Variants in CCT8 observed in about 807,000 individuals in gnomAD.
The protein encoded by CCT8 is chaperonin containing TCP1 subunit 8, also known as T-complex protein 1 subunit theta.
A neutral mutation model predicts 65.7 loss-of-function variants in CCT8; 10 were observed. The observed-to-expected ratio is 0.15, with a 90% CI of 0.09 to 0.26. The LOEUF (loss-of-function observed/expected upper bound fraction) is 0.26, where lower values mean the gene tolerates loss of function less well. CCT8 is among the 10% of genes least tolerant of loss of function. CCT8 has a pLI of 1.00. For missense variants in CCT8, 568 were observed against 669.1 expected (o/e 0.85, Z 1.67); for synonymous variants, 199 against 221.8 (o/e 0.90, Z 0.92).
In CCT8 at chr21:29,072,104, G is replaced by GA. The variant is rs1243290387; in HGVS notation, c.60+1426dup. ...TTTCCCCCTAAGTAAGAGGTCGGGG[G>GA]AAACAGCCCAGGCTCAGGGGCTTCT... On this transcript the variant is annotated intron_variant, in intron 1 of 14. Coordinates refer to ENST00000286788, the MANE Select transcript of CCT8 (RefSeq NM_006585.4). 3 of 619,538 alleles carry GA rather than the reference G, an allele frequency of 4.8e-6. No homozygotes were observed. The African/African-American group carries it at 5.6e-5, about 11-fold the overall frequency. 38.4% of individuals were successfully genotyped at this position (619,538 alleles called of 1,614,324 possible). A position where few individuals can be genotyped will look rare whatever the true frequency, so the allele number is the denominator to read the frequency against.
chr21:29,061,455 A>C (rs932801778), intron 12 of CCT8, 38 bp from the exon 13 acceptor site: 2 of 1,613,578 alleles, frequency 1.2e-6, no homozygotes, highest in Non-Finnish European at 1.7e-6. Context: ...CTTTTATTCA[A>C]GCAATGGAAA....
At position 29,056,548 on chromosome 21, in the gene CCT8, A is replaced by C. The variant is rs2085500960; in HGVS notation, c.1574T>G (p.Ile525Ser). The C allele has an allele frequency of 1.3e-6, 2 of 1,556,422 alleles. No homozygotes were observed. Among genetic ancestry groups the C allele is most frequent in the Non-Finnish European group, 1.7e-6 (2 of 1,151,496 alleles). The change falls in exon 15 of 15, where the codon ATC (isoleucine) becomes AGC (serine). Residue 525 changes from isoleucine to serine, a missense_variant. Physicochemically the swap from Ile to Ser is moderately radical, Grantham distance 142. Transcript: ENST00000286788. ...AVTVLRVDQI[I>S]MAKPAGGPKP... ...GGGCCCACCAGCTGGTTTTGCCATG[A>C]TGATCTGCATAAAAAAGAATCACAC...
chr21:29,073,245 G>A (rs1243120473), intron 1 of CCT8: 97 of 1,303,648 alleles, frequency 7.4e-5, no homozygotes, highest in Non-Finnish European at 1.7e-5. Flanking sequence ...ATTTACGGAT[G>A]GAGGCAAAAC....
chr21:29,059,613 T>C (rs1309299205), intron 14 of CCT8: 1 of 152,236 alleles, frequency 6.6e-6, no homozygotes, highest in African/African-American at 2.4e-5. Flanking sequence ...AGGTTTCTAT[T>C]TAAGAACTCA....
chr21:29,070,689 G>A (rs1477804467), intron 1 of CCT8, among the ~76,000 whole-genome samples: 2 of 152,018 alleles, frequency 1.3e-5, no homozygotes, highest in East Asian at 1.9e-4. Context: ...ACATTTTGGG[G>A]GACCGCAGGT....
At chr21:29,070,192 C>A (rs747282818) in intron 2 of CCT8, 55 bp downstream of exon 2, 4 of 1,053,508 alleles carry the variant, frequency 3.8e-6, no homozygotes, top group Non-Finnish European at 5.7e-6. Flanking sequence ...TGAAAGAAGA[C>A]GTAGTACACA....
intron 3 of CCT8, among the ~76,000 whole-genome samples, chr21:29,068,515 A>G (rs1443466907): frequency 6.6e-6 from 1 of 151,932 alleles, no homozygotes; most frequent in East Asian, 1.9e-4. Flanking sequence ...GCTGGAGTGC[A>G]GTGGCGCGAT....
chr21:29,063,370 T>C lies in CCT8; in HGVS notation c.923A>G (p.Tyr308Cys). The C allele has an allele frequency of 1.9e-6, 3 of 1,613,210 alleles. No individual in the cohort carries two copies. The highest frequency in any genetic ancestry group is 2.2e-5 in the South Asian group (2 of 91,042). The change falls in exon 8 of 15, where the codon TAT (tyrosine) becomes TGT (cysteine). Residue 308 changes from tyrosine to cysteine, a missense_variant. By Grantham distance (194) the Tyr-to-Cys change is radical. Coordinates refer to ENST00000286788, the MANE Select transcript of CCT8 (RefSeq NM_006585.4). ...TTCTTACCTCACTAACATGATATTA[T>C]ATTTATTTGCATAATGAAGAGCCAT... ...ADMALHYANK[Y>C]NIMLVRLNSK...
chr21:29,069,350 T>C (rs1286880932), intron 3 of CCT8, 73 bp downstream of exon 3: 1 of 790,578 alleles, frequency 1.3e-6, no homozygotes, highest in Non-Finnish European at 2.1e-6. Flanking sequence ...AAATAAGAGA[T>C]TTCTTCTAGT....
chr21:29,061,709 T>C (rs2085566535), intron 11 of CCT8, 142 bp from the exon 12 acceptor site: 1 of 864,268 alleles, frequency 1.2e-6, no homozygotes, highest in Non-Finnish European at 1.8e-6. Context: ...AAATACATAT[T>C]ACAAATTTGG....
chr21:29,064,293 T>C (rs564677292), intron 7 of CCT8, among the ~76,000 whole-genome samples: 24 of 151,048 alleles, frequency 1.6e-4, no homozygotes, highest in Non-Finnish European at 2.8e-4. Context: ...TGGTGAAACT[T>C]TGTCTCTATT....
In CCT8 at chr21:29,063,464, C is replaced by T; in HGVS notation, c.829G>A (p.Asp277Asn). 2.5e-6 allele frequency: 4 copies of T among 1,614,082 alleles called. No individual in the cohort carries two copies. Among genetic ancestry groups the T allele is most frequent in the Non-Finnish European group, 3.4e-6 (4 of 1,179,974 alleles). The change falls in exon 8 of 15, where the codon GAT becomes AAT. Residue 277 changes from aspartate to asparagine, a missense_variant. Asp to Asn is a conservative substitution (Grantham distance 23). Coordinates refer to ENST00000286788, the MANE Select transcript of CCT8 (RefSeq NM_006585.4). ...NFSKGEENLM[D>N]AQVKAIADTG... Reference sequence around the variant, plus strand: ...TCAGCAATAGCTTTGACTTGTGCATCCATGAGGTTTTCTTCTCCCTTACTA... The same window carrying T: ...TCAGCAATAGCTTTGACTTGTGCATTCATGAGGTTTTCTTCTCCCTTACTA...
At chr21:29,065,839 T>G (rs992080546) in intron 6 of CCT8, among the ~76,000 whole-genome samples, 2 of 152,156 alleles carry the variant, frequency 1.3e-5, no homozygotes, top group Non-Finnish European at 2.9e-5. Context: ...TCTCAGCACT[T>G]TGGGAGGCCA....
chr21:29,056,578 G>T (rs1374272044), intron 14 of CCT8, 26 bp from the exon 15 acceptor site: 2 of 1,434,480 alleles, frequency 1.4e-6, no homozygotes, highest in East Asian at 4.9e-5. Flanking sequence ...TCACACAAGA[G>T]TATGCTTATC....
chr21:29,071,941 T>C lies in CCT8; in HGVS notation c.60+1590A>G, dbSNP rs559385863. The C allele has an allele frequency of 4.3e-6, 3 of 702,428 alleles. No individual in the cohort carries two copies. In the African/African-American group the frequency reaches 5.2e-5, roughly 12 times the overall value. 43.5% of individuals were successfully genotyped at this position (702,428 alleles called of 1,614,324 possible). On this transcript the variant is annotated intron_variant, in intron 1 of 14. Coordinates refer to ENST00000286788, the MANE Select transcript of CCT8 (RefSeq NM_006585.4). ...ATCCCGGCCCTTGTATGGCTCCTCC[T>C]CTGAACTTACCATTCTTCCTTTCTT...
At chr21:29,058,002 G>A (rs1430558715) in intron 14 of CCT8, 2 of 151,808 alleles carry the variant, frequency 1.3e-5, no homozygotes, top group Non-Finnish European at 2.9e-5. Context: ...CTGGGTGATA[G>A]AGTAAGACCT....
intron 14 of CCT8, among the ~76,000 whole-genome samples, chr21:29,057,793 GAT>G (rs971883364): frequency 6.3e-5 from 9 of 142,226 alleles, no homozygotes; most frequent in Admixed American, 6.3e-4. Context: ...AGATATGTAT[GAT>G]ATATACATAT....
intron 14 of CCT8, among the ~76,000 whole-genome samples, chr21:29,058,717 G>A (rs1300946214): frequency 2.0e-5 from 3 of 150,398 alleles, no homozygotes; most frequent in Non-Finnish European, 4.4e-5. Flanking sequence ...TCAGCCTCCC[G>A]AGTAGCTGGG....
chr21:29,064,092 G>A (rs1220039867), intron 7 of CCT8, among the ~76,000 whole-genome samples: 1 of 152,094 alleles, frequency 6.6e-6, no homozygotes, highest in African/African-American at 2.4e-5. Context: ...TGTCAGGTAG[G>A]TAGGTGTCCT....
Sources: gnomAD v4.1 joint callset for allele counts (sites outside exome capture counted in the v4.1 genomes callset) on GRCh38, gnomAD v4.1.1 for gene constraint, MANE v1.5 for transcripts, NCBI Gene and HGNC (gene_info 2026-07-23, HGNC 2026-07-21) for gene names.